CACNB4: variants seen among roughly 807,000 people sequenced by gnomAD.
The protein encoded by CACNB4 is voltage-dependent L-type calcium channel subunit beta-4.
Under a neutral mutation model 71.2 loss-of-function variants are expected in CACNB4, and 32 were observed. The ratio of observed to expected loss-of-function variants is 0.45; its 90% CI spans 0.34 to 0.60. CACNB4 has a LOEUF of 0.60. Ranked by LOEUF, CACNB4 falls within the 20% of genes least tolerant of loss-of-function variation. CACNB4 has a pLI of 0.01. For synonymous variants in CACNB4, 231 were observed against 236.9 expected (o/e 0.97, Z 0.23); for missense variants, 464 against 647.9 (o/e 0.72, Z 3.08).
rs1322955626 is a variant in CACNB4, at chr2:151,834,825, T to C, written c.*4294A>G. ...AGTATTTAAAGGTATGAGAAACTAA[T>C]AAAACAGATTTTATTACATAATTTC... On this transcript the variant is annotated 3_prime_UTR_variant, in exon 14 of 14. Coordinates refer to ENST00000539935, the MANE Select transcript of CACNB4 (RefSeq NM_000726.5). 6.6e-6 allele frequency: 1 copy of C among 151,884 alleles called. No individual in the cohort carries two copies. The allele number at this position is 151,884 out of a possible 1,614,324, so 9.4% of individuals were successfully genotyped here.
intron 2 of CACNB4, among the ~76,000 whole-genome samples, chr2:152,063,430 C>A (rs1450898472): frequency 6.6e-6 from 1 of 152,138 alleles, no homozygotes; most frequent in Non-Finnish European, 1.5e-5. Flanking sequence ...CAGGGTCCCA[C>A]AGTTAGAAAA....
intron 2 of CACNB4, among the ~76,000 whole-genome samples, chr2:152,045,810 C>T (rs191155060): frequency 7.9e-5 from 12 of 151,974 alleles, no homozygotes; most frequent in Non-Finnish European, 1.5e-4. Context: ...TACAGTGACT[C>T]GCAGCTAGCA....
chr2:152,070,491 T>G (rs537329883), intron 2 of CACNB4, among the ~76,000 whole-genome samples: 3 of 152,086 alleles, frequency 2.0e-5, no homozygotes, highest in African/African-American at 7.2e-5. Context: ...TTTTTTATAG[T>G]TGGCAAAAAC....
intron 2 of CACNB4, among the ~76,000 whole-genome samples, chr2:152,061,833 G>A (rs1318009091): frequency 6.6e-6 from 1 of 151,706 alleles, no homozygotes; most frequent in East Asian, 1.9e-4. Context: ...CCAACATGGT[G>A]AAACCCTGTC....
intron 2 of CACNB4, among the ~76,000 whole-genome samples, chr2:152,055,242 C>A (rs558738837): frequency 2.0e-5 from 3 of 152,186 alleles, no homozygotes; most frequent in Non-Finnish European, 4.4e-5. Context: ...GAACTCCTGA[C>A]CTCAAGTGAT....
At chr2:151,977,761 T>C (rs1302576371) in intron 2 of CACNB4, among the ~76,000 whole-genome samples, 3 of 152,236 alleles carry the variant, frequency 2.0e-5, no homozygotes, top group South Asian at 4.1e-4. Flanking sequence ...AGTGTAGTTA[T>C]GCGTTCTATA....
At chr2:151,855,090 T>C (rs1421337932) in intron 11 of CACNB4, 134 bp downstream of exon 11, 1 of 533,770 alleles carries the variant, frequency 1.9e-6, no homozygotes, top group Non-Finnish European at 3.3e-6. Context: ...ATCTGTACAC[T>C]GTGGAAAGAT....
At chr2:151,876,308 C>T in intron 5 of CACNB4, 118 bp downstream of exon 5, 1 of 755,088 alleles carries the variant, frequency 1.3e-6, no homozygotes, top group Non-Finnish European at 2.0e-6. Flanking sequence ...TCTTCTGTGT[C>T]AGTTTCAGAA....
intron 2 of CACNB4, among the ~76,000 whole-genome samples, chr2:152,039,832 A>C (rs1278487058): frequency 6.6e-6 from 1 of 152,270 alleles, no homozygotes; most frequent in Non-Finnish European, 1.5e-5. Context: ...GCACTGAAGC[A>C]GACCATATGG....
At chr2:152,040,069 C>T (rs1040859677) in intron 2 of CACNB4, among the ~76,000 whole-genome samples, 1 of 152,022 alleles carries the variant, frequency 6.6e-6, no homozygotes, top group Non-Finnish European at 1.5e-5. Context: ...AAGTGATGGC[C>T]CCCAGTTTTC....
chr2:151,938,770 G>GT (rs1318856317), intron 2 of CACNB4, among the ~76,000 whole-genome samples: 6 of 152,214 alleles, frequency 3.9e-5, no homozygotes, highest in African/African-American at 1.4e-4. Flanking sequence ...CAATTCTCTT[G>GT]TTTTTGGAGC....
chr2:151,953,527 A>G (rs1052091580), intron 2 of CACNB4, among the ~76,000 whole-genome samples: 2 of 152,230 alleles, frequency 1.3e-5, no homozygotes, highest in Non-Finnish European at 2.9e-5. Context: ...AATGTGTGAC[A>G]AAAATATCTA....
In CACNB4 at chr2:151,839,175, G is replaced by A. The variant is rs768758527; in HGVS notation, c.1507C>T (p.His503Tyr). The A allele has an allele frequency of 2.5e-6, 4 of 1,613,642 alleles. No homozygotes were observed. Among genetic ancestry groups the A allele is most frequent in the African/African-American group, 1.3e-5 (1 of 75,030 alleles). Residue 503 changes from histidine (H) to tyrosine (Y), a missense_variant, in exon 14 of 14, where the codon CAT becomes TAT. Around this residue, in one of 3 missense-constraint regions of CACNB4, gnomAD observed 115 missense variants for 128.8 expected, o/e 0.89. Coordinates refer to ENST00000539935, the MANE Select transcript of CACNB4 (RefSeq NM_000726.5). ...PDSYQDTYKP[H>Y]RNRGSPGGYS... ...CCCCCAGGTGATCCTCGGTTCCTAT[G>A]GGGTTTGTAAGTGTCCTGGTATGAG...
At chr2:151,980,690 G>T (rs2099874557) in intron 2 of CACNB4, among the ~76,000 whole-genome samples, 1 of 152,108 alleles carries the variant, frequency 6.6e-6, no homozygotes, top group Admixed American at 6.5e-5. Context: ...GTGAAATATG[G>T]GTATTTTTTA....
At position 151,915,003 on chromosome 2, in the gene CACNB4, TGGTGGAGGG is replaced by T. The variant is rs540022989; in HGVS notation, c.148-31642_148-31634del. ...CCATTTAACAAAGCACTTTGTCCCT[TGGTGGAGGG>T]GGTGTGCTTTGCTGGGGGAAACCCA... On this transcript the variant is annotated intron_variant, in intron 2 of 13. Coordinates refer to ENST00000539935, the MANE Select transcript of CACNB4 (RefSeq NM_000726.5). Among the ~76,000 whole-genome samples, 613 of 152,154 alleles carry T rather than the reference TGGTGGAGGG, an allele frequency of 4.0e-3. 4 individuals carry two copies. The highest frequency in any genetic ancestry group is 0.014 in the African/African-American group (575 of 41,516).
intron 2 of CACNB4, among the ~76,000 whole-genome samples, chr2:152,035,651 C>CTA (rs1553818082): frequency 0.014 from 1,663 of 118,004 alleles, 65 homozygotes; most frequent in African/African-American, 0.055. Flanking sequence ...CTCTCTCTCT[C>CTA]TATATATATA....
intron 2 of CACNB4, among the ~76,000 whole-genome samples, chr2:152,039,500 TCTC>T (rs1034272499): frequency 7.9e-5 from 12 of 152,212 alleles, no homozygotes; most frequent in East Asian, 3.9e-4. Context: ...AGCCTACACT[TCTC>T]CTACTCTGTT....
chr2:152,053,521 AAT>A lies in CACNB4; in HGVS notation c.147+44807_147+44808del, dbSNP rs1491261858. 1.5e-3 allele frequency among the ~76,000 whole-genome samples: 153 copies of A among 99,864 alleles called. 1 individual carries two copies. The highest frequency in any genetic ancestry group is 5.0e-3 in the African/African-American group (145 of 29,236). 65.5% of individuals were successfully genotyped at this position (99,864 alleles called of 152,430 possible). On this transcript the variant is annotated intron_variant, in intron 2 of 13. Transcript: ENST00000539935. ...CCTGGGTTCTGTGATCTGCTCTAGG[AAT>A]TTTTTTTTTTTTTTTTTTGAAACAA...
At chr2:151,908,256 T>A (rs1399132744) in intron 2 of CACNB4, among the ~76,000 whole-genome samples, 1 of 152,242 alleles carries the variant, frequency 6.6e-6, no homozygotes, top group Non-Finnish European at 1.5e-5. Context: ...GTTCCCGGGC[T>A]TTATAAGATA....
Sources: gnomAD v4.1 joint callset for allele counts (sites outside exome capture counted in the v4.1 genomes callset) on GRCh38, gnomAD v4.1.1 for gene constraint, gnomAD v4.1.1 regional missense constraint, MANE v1.5 for transcripts, NCBI Gene and HGNC (gene_info 2026-07-23, HGNC 2026-07-21) for gene names.